Variants in BMP3 observed in about 807,000 individuals in gnomAD.
The protein encoded by BMP3 is bone morphogenetic protein 3 (osteogenic).
A neutral mutation model predicts 38.1 loss-of-function variants in BMP3; 23 were observed. The ratio of observed to expected loss-of-function variants is 0.60; its 90% CI spans 0.43 to 0.86. The LOEUF is 0.86. Ranked by LOEUF, BMP3 falls within the 40% of genes least tolerant of loss-of-function variation. The pLI is 0.00. For missense variants in BMP3, 628 were observed against 579.6 expected (o/e 1.08, Z -0.86); for synonymous variants, 258 against 225.7 (o/e 1.14, Z -1.28).
intron 1 of BMP3, among the ~76,000 whole-genome samples, chr4:81,044,265 C>T (rs1027574191): frequency 1.3e-5 from 2 of 152,166 alleles, no homozygotes; most frequent in African/African-American, 2.4e-5. Flanking sequence ...TGAGCTTTCA[C>T]CCCTTTAAGT....
At chr4:81,036,015 T>A (rs1413907225) in intron 1 of BMP3, among the ~76,000 whole-genome samples, 1 of 152,022 alleles carries the variant, frequency 6.6e-6, no homozygotes, top group Non-Finnish European at 1.5e-5. Flanking sequence ...GGACTTGGGT[T>A]CAATTGGCAT....
rs2109917318 is a variant in BMP3, at chr4:81,057,464, G to T, written c.*3928G>T. 6.6e-6 allele frequency: 1 copy of T among 152,074 alleles called. No homozygotes were observed. Among genetic ancestry groups the T allele is most frequent in the Non-Finnish European group, 1.5e-5 (1 of 67,942 alleles). 9.4% of individuals were successfully genotyped at this position (152,074 alleles called of 1,614,324 possible). A position where few individuals can be genotyped will look rare whatever the true frequency, so the allele number is the denominator to read the frequency against. On this transcript the variant is annotated 3_prime_UTR_variant, in exon 3 of 3. Transcript: ENST00000282701. ...CCAATGTATAAGCTTTGTTGAATTTGTATCATTTTCTTTCAGTAATGAAAA... is the reference window on the plus strand; with the variant it reads ...CCAATGTATAAGCTTTGTTGAATTTTTATCATTTTCTTTCAGTAATGAAAA...
Position 81,045,726 on chromosome 4 carries a change from T to G in BMP3, c.317-12T>G, listed in dbSNP as rs1462898008. On this transcript the variant is annotated splice_polypyrimidine_tract_variant and intron_variant, in intron 1 of 2. Transcript: ENST00000282701. Reference sequence around the variant, plus strand: ...TTTTCTCCTGTTTACTCTCTTTCTTTTTCCTTCCTAGAAACTCTTGAAAGA... The same window carrying G: ...TTTTCTCCTGTTTACTCTCTTTCTTGTTCCTTCCTAGAAACTCTTGAAAGA... 6.4e-7 allele frequency: 1 copy of G among 1,558,524 alleles called. No individual in the cohort carries two copies.
At chr4:81,052,006 T>C (rs1740409600) in intron 2 of BMP3, among the ~76,000 whole-genome samples, 1 of 152,094 alleles carries the variant, frequency 6.6e-6, no homozygotes, top group Non-Finnish European at 1.5e-5. Context: ...TTTTTTCTTT[T>C]TTTTTTTAAG....
rs559854321 is a variant in BMP3, at chr4:81,054,387, T to C, written c.*851T>C. On this transcript the variant is annotated 3_prime_UTR_variant, in exon 3 of 3. Coordinates refer to ENST00000282701, the MANE Select transcript of BMP3 (RefSeq NM_001201.5). ...TGAAAACACAAGTGTAATTCCTCTT[T>C]TGTACTTCTTTTTCACAAATGCTTT... The C allele has an allele frequency of 6.6e-6, 1 of 152,538 alleles. No homozygotes were observed. The highest frequency in any genetic ancestry group is 1.9e-4 in the East Asian group (1 of 5,188). 9.4% of individuals were successfully genotyped at this position (152,538 alleles called of 1,614,324 possible).
intron 1 of BMP3, among the ~76,000 whole-genome samples, chr4:81,035,388 T>G (rs930243046): frequency 1.1e-4 from 16 of 151,980 alleles, no homozygotes; most frequent in Middle Eastern, 3.2e-3. Context: ...CAAGGAATAT[T>G]TGTACACTAG....
At chr4:81,040,558 C>T (rs891919601) in intron 1 of BMP3, among the ~76,000 whole-genome samples, 2 of 152,174 alleles carry the variant, frequency 1.3e-5, no homozygotes, top group Non-Finnish European at 2.9e-5. Flanking sequence ...TCCACAGTCC[C>T]TTAAATATTG....
intron 1 of BMP3, among the ~76,000 whole-genome samples, chr4:81,042,792 C>A (rs1740114738): frequency 6.6e-6 from 1 of 152,214 alleles, no homozygotes. Context: ...TTGCCACATA[C>A]CTAGAACAGA....
intron 1 of BMP3, among the ~76,000 whole-genome samples, chr4:81,031,809 G>T (rs1477630160): frequency 6.6e-6 from 1 of 152,152 alleles, no homozygotes; most frequent in African/African-American, 2.4e-5. Flanking sequence ...CAAATCCAAA[G>T]TGAGAGGGGG....
intron 1 of BMP3, 31 bp from the exon 2 acceptor site, chr4:81,045,707 C>T (rs747164431): frequency 1.3e-6 from 2 of 1,498,434 alleles, no homozygotes; most frequent in East Asian, 2.3e-5. Flanking sequence ...CTTGTTTTCT[C>T]CTGTTTACTC....
Position 81,031,166 on chromosome 4 carries a change from C to G in BMP3, c.-119C>G. ...CTGCACCCGGCCGCGTCCCGGGCTC[C>G]GTGCGCCCTCGCCCCAGCTGGTTTG... On this transcript the variant is annotated 5_prime_UTR_variant, in exon 1 of 3. Transcript: ENST00000282701. The G allele has an allele frequency of 1.8e-6, 2 of 1,121,706 alleles. No homozygotes were observed. The highest frequency in any genetic ancestry group is 2.5e-6 in the Non-Finnish European group (2 of 813,322). The allele number at this position is 1,121,706 out of a possible 1,614,324, so 69.5% of individuals were successfully genotyped here. A position where few individuals can be genotyped will look rare whatever the true frequency, so the allele number is the denominator to read the frequency against.
intron 1 of BMP3, among the ~76,000 whole-genome samples, chr4:81,040,887 C>T (rs546804133): frequency 3.3e-5 from 5 of 152,000 alleles, no homozygotes; most frequent in Admixed American, 2.6e-4. Context: ...ATTATTATAT[C>T]GGTTTGCTCT....
At chr4:81,038,722 G>A (rs1739987433) in intron 1 of BMP3, among the ~76,000 whole-genome samples, 2 of 152,186 alleles carry the variant, frequency 1.3e-5, no homozygotes, top group Admixed American at 1.3e-4. Flanking sequence ...ATGCTTTGGT[G>A]TTAAGTAGGA....
chr4:81,038,739 T>C (rs1179900473), intron 1 of BMP3, among the ~76,000 whole-genome samples: 1 of 152,212 alleles, frequency 6.6e-6, no homozygotes, highest in Non-Finnish European at 1.5e-5. Context: ...AGGAAACACT[T>C]TTAAATCTGT....
rs1739729861 is a variant in BMP3 at position 81,030,964 on chromosome 4, C to G, written c.-321C>G. On this transcript the variant is annotated 5_prime_UTR_variant, in exon 1 of 3. Coordinates refer to ENST00000282701, the MANE Select transcript of BMP3 (RefSeq NM_001201.5). ...ATAAAGCGAGGAGGGAAGGTACAGA[C>G]AGATCTTGAAAACACCCGGGCCACA... 3 of 343,052 alleles carry G rather than the reference C, an allele frequency of 8.7e-6. No homozygotes were observed. Among genetic ancestry groups the G allele is most frequent in the South Asian group, 8.3e-5 (2 of 24,002 alleles). The allele number at this position is 343,052 out of a possible 1,614,324, so 21.3% of individuals were successfully genotyped here.
chr4:81,048,857 G>A (rs1438039896), intron 2 of BMP3, among the ~76,000 whole-genome samples: 2 of 152,196 alleles, frequency 1.3e-5, no homozygotes, highest in African/African-American at 2.4e-5. Flanking sequence ...AGTGGATATA[G>A]GAGTAGAGCC....
intron 1 of BMP3, among the ~76,000 whole-genome samples, chr4:81,039,924 G>A (rs1485598305): frequency 6.6e-6 from 1 of 152,150 alleles, no homozygotes; most frequent in Non-Finnish European, 1.5e-5. Context: ...GAAATGGGTT[G>A]TCATGACAAG....
At chr4:81,044,435 A>G (rs1740175319) in intron 1 of BMP3, among the ~76,000 whole-genome samples, 1 of 152,224 alleles carries the variant, frequency 6.6e-6, no homozygotes, top group Admixed American at 6.5e-5. Context: ...CTCCAAAGCA[A>G]GAGACTGCAT....
chr4:81,041,723 T>C (rs1427684794), intron 1 of BMP3, among the ~76,000 whole-genome samples: 2 of 152,224 alleles, frequency 1.3e-5, no homozygotes, highest in African/African-American at 4.8e-5. Context: ...AACATTTCTT[T>C]TGCAAAAGCT....
Sources: gnomAD v4.1 joint callset for allele counts (sites outside exome capture counted in the v4.1 genomes callset) on GRCh38, gnomAD v4.1.1 for gene constraint, MANE v1.5 for transcripts, NCBI Gene and HGNC (gene_info 2026-07-23, HGNC 2026-07-21) for gene names.